CBR4: variants seen among roughly 807,000 people sequenced by gnomAD.
The protein encoded by CBR4 is 3-oxoacyl-[acyl-carrier-protein] reductase.
A neutral mutation model predicts 21.0 loss-of-function variants in CBR4; 22 were observed. The ratio of observed to expected loss-of-function variants is 1.05; its 90% CI spans 0.75 to 1.50. The LOEUF is 1.50. CBR4 is among the 40% of genes most tolerant of loss of function. The pLI, the probability that CBR4 is intolerant of heterozygous loss-of-function variation, is 0.00. For synonymous variants in CBR4, 100 were observed against 104.4 expected, an observed-to-expected ratio of 0.96 and a Z score of 0.26; for missense variants, 302 against 286.3, an observed-to-expected ratio of 1.05 and a Z score of -0.40.
rs553575372 is a variant in CBR4 at position 168,995,206 on chromosome 4, T to C, written c.536-4878A>G. ...CTTACATTGGTAGGTACATAGAGGTTAGAATACTTCCAATTCAAGAAGCAC... is the reference window on the plus strand; with the variant it reads ...CTTACATTGGTAGGTACATAGAGGTCAGAATACTTCCAATTCAAGAAGCAC... On this transcript the variant is annotated intron_variant, in intron 4 of 4. Transcript: ENST00000306193. 2.0e-5 allele frequency among the ~76,000 whole-genome samples: 3 copies of C among 152,320 alleles called. No individual in the cohort carries two copies. The East Asian group carries it at 5.8e-4, about 29-fold the overall frequency.
At position 168,914,189 on chromosome 4, in the gene CBR4, G is replaced by A; in HGVS notation, n.170-19424C>T. ...CTTGATTATTATGCTCCCTTGTGAT[G>A]CAGAAAGGGAATGGGAACAAACATT... On this transcript the variant is annotated intron_variant and non_coding_transcript_variant, in intron 2 of 3. Coordinates refer to the CBR4 transcript ENST00000509108. 1.6e-5 allele frequency: 10 copies of A among 628,940 alleles called. No individual in the cohort carries two copies. The South Asian group carries it at 1.8e-4, about 12-fold the overall frequency. The allele number at this position is 628,940 out of a possible 1,614,324, so 39.0% of individuals were successfully genotyped here.
rs933966646 is a variant in CBR4, at chr4:168,895,616, A to G, written n.170-851T>C. Among the ~76,000 whole-genome samples, 3 of 152,246 alleles carry G rather than the reference A, an allele frequency of 2.0e-5. No homozygotes were observed. In the East Asian group the frequency reaches 5.8e-4, roughly 29 times the overall value. ...ACAATTCATTAAGTGGAAGTGGGTC[A>G]TCATAAAGGTCTTCATCCTCATTGT... On this transcript the variant is annotated intron_variant and non_coding_transcript_variant, in intron 2 of 3. Transcript: ENST00000509108.
chr4:168,922,100 TATACACACAC>T (rs1242965818), intron 2 of CBR4, among the ~76,000 whole-genome samples: 191 of 96,644 alleles, frequency 2.0e-3, no homozygotes, highest in Admixed American at 1.7e-3. Context: ...TATATATATA[TATACACACAC>T]ACACACACAC....
At position 169,007,754 on chromosome 4, in the gene CBR4, C is replaced by G. The variant is rs1440573327; in HGVS notation, c.145G>C (p.Asp49His). 3.8e-6 allele frequency: 6 copies of G among 1,572,650 alleles called. No homozygotes were observed. The South Asian group carries it at 7.1e-5, about 19-fold the overall frequency. Residue 49 changes from aspartate (D) to histidine (H), a missense_variant and splice_region_variant, in exon 2 of 5, where the codon GAT becomes CAT. Asp to His is a moderately conservative substitution (Grantham distance 81). Coordinates refer to ENST00000306193, the MANE Select transcript of CBR4 (RefSeq NM_032783.5). ...AKAAAGDLGG[D>H]HLAFSCDVAK... The stretch of plus-strand genomic sequence containing the variant: ...ACATCACAGCTAAATGCCAAATGAT[C>G]TCCTACACAACAAAGTTAAATAAGA...
intron 2 of CBR4, among the ~76,000 whole-genome samples, chr4:168,953,414 C>A (rs1763598960): frequency 6.6e-6 from 1 of 151,996 alleles, no homozygotes; most frequent in African/African-American, 2.4e-5. Context: ...TACATTCACT[C>A]TGATCTGCAT....
In CBR4 at chr4:168,905,152, T is replaced by G. The variant is rs1347005339; in HGVS notation, n.170-10387A>C. Among the ~76,000 whole-genome samples the G allele has an allele frequency of 1.2e-3, 160 of 133,726 alleles. 5 individuals carry two copies. Among genetic ancestry groups the G allele is most frequent in the Middle Eastern group, 3.6e-3 (1 of 274 alleles). 87.7% of individuals were successfully genotyped at this position (133,726 alleles called of 152,430 possible). On this transcript the variant is annotated intron_variant and non_coding_transcript_variant, in intron 2 of 3. Coordinates refer to the CBR4 transcript ENST00000509108. ...TTGTTTTGTTGGTTTTTTTTTTTTT[T>G]TTTTTTTTTTTTTTTTGAGATGGAA...
chr4:168,896,445 G>T lies in CBR4; in HGVS notation n.170-1680C>A, dbSNP rs550161064. 1.8e-5 allele frequency: 13 copies of T among 714,356 alleles called. No homozygotes were observed. The South Asian group carries it at 2.0e-4, about 11-fold the overall frequency. 44.3% of individuals were successfully genotyped at this position (714,356 alleles called of 1,614,324 possible). A position where few individuals can be genotyped will look rare whatever the true frequency, so the allele number is the denominator to read the frequency against. On this transcript the variant is annotated intron_variant and non_coding_transcript_variant, in intron 2 of 3. Coordinates refer to the CBR4 transcript ENST00000509108. ...ACTCACAGCACCGTTACTACCAAAC[G>T]CATATTGCTAGCACAAAAGTTTCAC...
At chr4:168,985,703 A>G (rs958855058), downstream of CBR4, among the ~76,000 whole-genome samples, 1 of 152,052 alleles carries the variant, frequency 6.6e-6, no homozygotes, top group African/African-American at 2.4e-5. Flanking sequence ...CACAGCTACA[A>G]AAAAAAATTA....
At chr4:168,915,029 CTTG>C (rs1189949097) in intron 2 of CBR4, among the ~76,000 whole-genome samples, 2 of 152,216 alleles carry the variant, frequency 1.3e-5, no homozygotes, top group Non-Finnish European at 2.9e-5. Context: ...CTTTGCTTCT[CTTG>C]TTGTCTGCAA....
At chr4:168,921,874 A>G (rs181992383) in intron 2 of CBR4, 7 of 768,460 alleles carry the variant, frequency 9.1e-6, no homozygotes, top group Admixed American at 6.0e-5. Context: ...AAAATAGCCA[A>G]TGAGGACATG....
intron 2 of CBR4, among the ~76,000 whole-genome samples, chr4:168,954,258 AT>A (rs1199058390): frequency 6.6e-6 from 1 of 152,204 alleles, no homozygotes; most frequent in Non-Finnish European, 1.5e-5. Context: ...CAATGAAACA[AT>A]TCTTTCAAAA....
intron 2 of CBR4, among the ~76,000 whole-genome samples, chr4:168,935,651 T>C (rs1763091609): frequency 6.6e-6 from 1 of 152,074 alleles, no homozygotes. Flanking sequence ...TCCAGGAAAT[T>C]TGAAATGGGC....
intron 1 of CBR4, among the ~76,000 whole-genome samples, chr4:169,008,321 G>A (rs1041559871): frequency 1.3e-5 from 2 of 151,186 alleles, no homozygotes; most frequent in African/African-American, 4.9e-5. Flanking sequence ...ACCACGGGGG[G>A]AAAAAAACAC....
At position 168,925,046 on chromosome 4, in the gene CBR4, T is replaced by C. The variant is rs1762302330; in HGVS notation, n.170-30281A>G. The stretch of plus-strand genomic sequence containing the variant: ...GTGTCAGCCAAGAATGAAGCAGGGA[T>C]TGTGTCCTGTACTGCCAGGCTGGAC... On this transcript the variant is annotated intron_variant and non_coding_transcript_variant, in intron 2 of 3. Transcript: ENST00000509108. The C allele has an allele frequency of 1.2e-6, 2 of 1,614,000 alleles. No homozygotes were observed. Among genetic ancestry groups the C allele is most frequent in the Non-Finnish European group, 1.7e-6 (2 of 1,179,992 alleles).
chr4:169,001,689 C>T (rs1443154445), intron 4 of CBR4: 1 of 153,256 alleles, frequency 6.5e-6, no homozygotes, highest in Non-Finnish European at 1.5e-5. Context: ...CTCTCTTGCT[C>T]CTGCTATCCC....
chr4:168,976,788 G>T (rs2126771930), intron 2 of CBR4, among the ~76,000 whole-genome samples: 1 of 152,328 alleles, frequency 6.6e-6, no homozygotes, highest in East Asian at 1.9e-4. Flanking sequence ...TATCAGTTAG[G>T]GTGGGGCAGG....
downstream of CBR4, among the ~76,000 whole-genome samples, chr4:168,986,803 C>T (rs146575959): frequency 3.4e-3 from 511 of 152,082 alleles, no homozygotes; most frequent in East Asian, 8.9e-3. Context: ...AAATTAGTCA[C>T]GCAGGGTTAA....
chr4:168,941,168 A>G (rs926720931), intron 2 of CBR4, among the ~76,000 whole-genome samples: 2 of 152,076 alleles, frequency 1.3e-5, no homozygotes, highest in Non-Finnish European at 2.9e-5. Context: ...CACACACCAC[A>G]GCCTGTCGGG....
intron 2 of CBR4, among the ~76,000 whole-genome samples, chr4:168,900,698 T>C (rs918572337): frequency 3.3e-5 from 5 of 152,208 alleles, no homozygotes; most frequent in Non-Finnish European, 7.3e-5. Flanking sequence ...AAACCCTATA[T>C]ACTTCCTAAT....
Sources: allele counts gnomAD v4.1 joint callset (sites outside exome capture counted in the v4.1 genomes callset), GRCh38; gene constraint gnomAD v4.1.1; transcripts MANE v1.5; gene names NCBI Gene and HGNC (gene_info 2026-07-23, HGNC 2026-07-21).